The following ERC2 variants were observed in gnomAD, a reference collection of about 807,000 sequenced individuals.
The protein encoded by ERC2 is ELKS/RAB6-interacting/CAST family member 2, also known as ERC protein 2.
A neutral mutation model predicts 114.8 loss-of-function variants in ERC2; 42 were observed. The observed-to-expected ratio is 0.37, with a 90% CI of 0.29 to 0.47. The LOEUF (loss-of-function observed/expected upper bound fraction) is 0.47. Ranked by LOEUF, ERC2 falls within the 20% of genes least tolerant of loss-of-function variation. The pLI, the probability that ERC2 is intolerant of heterozygous loss-of-function variation, is 0.99. For synonymous variants in ERC2, 454 were observed against 425.5 expected (o/e 1.07, Z -0.82); for missense variants, 939 against 1,150.7 (o/e 0.82, Z 2.66).
At chr3:55,781,479 TTTAA>T (rs2069038185) in intron 14 of ERC2, among the ~76,000 whole-genome samples, 1 of 149,956 alleles carries the variant, frequency 6.7e-6, no homozygotes, top group South Asian at 2.1e-4. Context: ...AGTGCATTCA[TTTAA>T]TTTTTTAAAA....
intron 17 of ERC2, among the ~76,000 whole-genome samples, chr3:55,514,457 T>A (rs111338589): frequency 1.8e-4 from 27 of 152,232 alleles, no homozygotes; most frequent in Admixed American, 2.0e-4. Context: ...AAAAATAAAA[T>A]TTTTTAAAAA....
intron 14 of ERC2, among the ~76,000 whole-genome samples, chr3:55,742,862 A>G (rs1166605834): frequency 6.6e-6 from 1 of 152,224 alleles, no homozygotes; most frequent in African/African-American, 2.4e-5. Context: ...GATATCAATT[A>G]ATATCAACCC....
intron 14 of ERC2, among the ~76,000 whole-genome samples, chr3:55,862,644 T>C (rs944153474): frequency 1.3e-5 from 2 of 152,192 alleles, no homozygotes; most frequent in African/African-American, 4.8e-5. Flanking sequence ...CTCTTTGGCC[T>C]AGAAGAAGCT....
At chr3:56,318,829 A>G (rs1166055050) in intron 2 of ERC2, among the ~76,000 whole-genome samples, 2 of 151,636 alleles carry the variant, frequency 1.3e-5, no homozygotes, top group Non-Finnish European at 2.9e-5. Flanking sequence ...GTTCGTGCCT[A>G]TATCATGCCT....
At chr3:56,360,396 A>C (rs1436819535) in intron 2 of ERC2, among the ~76,000 whole-genome samples, 2 of 152,124 alleles carry the variant, frequency 1.3e-5, no homozygotes, top group Non-Finnish European at 2.9e-5. Flanking sequence ...GGGGCCCTGT[A>C]TATAGAAACC....
At chr3:56,426,819 T>C (rs1272221330) in intron 2 of ERC2, among the ~76,000 whole-genome samples, 2 of 152,136 alleles carry the variant, frequency 1.3e-5, no homozygotes, top group African/African-American at 4.8e-5. Context: ...TTGAGATGGC[T>C]TGTTACACAG....
At chr3:56,433,355 T>C (rs2061879011) in intron 2 of ERC2, among the ~76,000 whole-genome samples, 1 of 151,556 alleles carries the variant, frequency 6.6e-6, no homozygotes, top group Admixed American at 6.6e-5. Context: ...CCTCACAGAA[T>C]AGGTGGGATT....
Position 55,720,143 on chromosome 3 carries a change from CTCTTCTTCTTCTTCTTCTTCT to C in ERC2, c.2712+14607_2712+14627del, listed in dbSNP as rs1160295251. ...CTCCTTCTTCTTCCTCTTCTTCTTCCTCTTCTTCTTCTTCTTCTTCTTCTTCTTCTTCTTCTTCTTCTTCTT... is the reference window on the plus strand; with the variant it reads ...CTCCTTCTTCTTCCTCTTCTTCTTCCTCTTCTTCTTCTTCTTCTTCTTCTT... On this transcript the variant is annotated intron_variant, in intron 15 of 17. Transcript: ENST00000288221. 5.7e-3 allele frequency among the ~76,000 whole-genome samples: 19 copies of C among 3,326 alleles called. 4 individuals carry two copies. The highest frequency in any genetic ancestry group is 0.042 in the South Asian group (1 of 24). 2.2% of individuals were successfully genotyped at this position (3,326 alleles called of 152,430 possible).
intron 7 of ERC2, among the ~76,000 whole-genome samples, chr3:56,065,752 A>C (rs1259330514): frequency 6.6e-6 from 1 of 151,728 alleles, no homozygotes; most frequent in African/African-American, 2.4e-5. Flanking sequence ...CCCTGTGTCC[A>C]TGTATTCCCA....
chr3:56,089,698 T>A (rs1226804159), intron 6 of ERC2, among the ~76,000 whole-genome samples: 1 of 152,164 alleles, frequency 6.6e-6, no homozygotes, highest in Non-Finnish European at 1.5e-5. Context: ...CTATGACTCC[T>A]GTAAGCCCAA....
intron 14 of ERC2, among the ~76,000 whole-genome samples, chr3:55,870,232 G>C (rs984660739): frequency 6.6e-6 from 1 of 151,994 alleles, no homozygotes; most frequent in African/African-American, 2.4e-5. Flanking sequence ...CCGTCACCAC[G>C]CCTGGCTAAT....
intron 8 of ERC2, among the ~76,000 whole-genome samples, chr3:56,013,184 G>A (rs2073072390): frequency 6.6e-6 from 1 of 152,176 alleles, no homozygotes. Flanking sequence ...AGTTGAATAA[G>A]TTCCTGGAAA....
intron 12 of ERC2, among the ~76,000 whole-genome samples, chr3:55,979,679 G>A (rs1453442030): frequency 6.6e-6 from 1 of 152,044 alleles, no homozygotes; most frequent in Non-Finnish European, 1.5e-5. Flanking sequence ...TCTGCAAGCT[G>A]GAGTTAAAAC....
At chr3:56,210,740 G>A (rs1346905698) in intron 3 of ERC2, among the ~76,000 whole-genome samples, 1 of 152,106 alleles carries the variant, frequency 6.6e-6, no homozygotes, top group African/African-American at 2.4e-5. Flanking sequence ...AAAATTATTT[G>A]ACCAACTTTA....
intron 4 of ERC2, among the ~76,000 whole-genome samples, chr3:56,158,733 C>CAA (rs796645014): frequency 3.2e-4 from 46 of 145,376 alleles, no homozygotes; most frequent in African/African-American, 1.1e-3. Flanking sequence ...TTCAGAAAAA[C>CAA]AAAAAAAAAA....
intron 17 of ERC2, among the ~76,000 whole-genome samples, chr3:55,673,050 A>T (rs1171395219): frequency 6.6e-6 from 1 of 152,142 alleles, no homozygotes; most frequent in Non-Finnish European, 1.5e-5. Flanking sequence ...CTGTGTCCCA[A>T]GCCTGTTATA....
At chr3:56,110,116 C>G (rs1372282640) in intron 6 of ERC2, among the ~76,000 whole-genome samples, 1 of 152,064 alleles carries the variant, frequency 6.6e-6, no homozygotes, top group Non-Finnish European at 1.5e-5. Flanking sequence ...TTCAACCCTG[C>G]AATATAATTA....
intron 12 of ERC2, among the ~76,000 whole-genome samples, chr3:55,957,460 T>C (rs1466736736): frequency 6.6e-6 from 1 of 152,202 alleles, no homozygotes; most frequent in Admixed American, 6.5e-5. Context: ...GAGTGCTTTA[T>C]AAATAACAGT....
intron 3 of ERC2, among the ~76,000 whole-genome samples, chr3:56,237,766 T>C (rs1664523382): frequency 6.6e-6 from 1 of 152,188 alleles, no homozygotes; most frequent in African/African-American, 2.4e-5. Context: ...TTTCTTTCTT[T>C]GGAAGTCACG....
Sources: gnomAD v4.1 joint callset for allele counts (sites outside exome capture counted in the v4.1 genomes callset) on GRCh38, gnomAD v4.1.1 for gene constraint, MANE v1.5 for transcripts, NCBI Gene and HGNC (gene_info 2026-07-23, HGNC 2026-07-21) for gene names.